CCDC102A: variants seen among roughly 807,000 people sequenced by gnomAD.
The protein encoded by CCDC102A is coiled-coil domain-containing protein 102A.
Under a neutral mutation model 55.5 loss-of-function variants are expected in CCDC102A, and 40 were observed. The observed-to-expected ratio is 0.72, with a 90% CI of 0.56 to 0.94. The LOEUF (loss-of-function observed/expected upper bound fraction) is 0.94, where lower values mean the gene tolerates loss of function less well. Ranked by LOEUF, CCDC102A falls within the 40% of genes least tolerant of loss-of-function variation. CCDC102A has a pLI of 0.00. For synonymous variants in CCDC102A, 323 were observed against 339.0 expected (o/e 0.95, Z 0.52); for missense variants, 779 against 768.6 (o/e 1.01, Z -0.16).
chr16:57,533,612 C>T (rs2032314494), intron 1 of CCDC102A, among the ~76,000 whole-genome samples: 1 of 149,884 alleles, frequency 6.7e-6, no homozygotes, highest in African/African-American at 2.5e-5. Context: ...CCCCAGGGAC[C>T]CGCACTCACA....
At chr16:57,520,243 C>T (rs1323837270) in intron 4 of CCDC102A, among the ~76,000 whole-genome samples, 4 of 152,218 alleles carry the variant, frequency 2.6e-5, no homozygotes, top group Non-Finnish European at 4.4e-5. Context: ...TTCCCGCACA[C>T]GCTGGGCTTG....
intron 2 of CCDC102A, 43 bp from the exon 3 acceptor site, chr16:57,526,170 C>T (rs2032139568): frequency 3.5e-6 from 5 of 1,441,156 alleles, no homozygotes; most frequent in Non-Finnish European, 4.6e-6. Flanking sequence ...GCCGCCAAGC[C>T]AGGCCCTGGG....
Position 57,516,657 on chromosome 16 carries a change from A to G in CCDC102A, c.1249-194T>C. On this transcript the variant is annotated intron_variant, in intron 6 of 8. Coordinates refer to ENST00000258214, the MANE Select transcript of CCDC102A (RefSeq NM_033212.4). The surrounding 1 kb of genome is among the most constrained non-coding windows in gnomAD (Gnocchi z 4.4). ...CAGCCAGAGGCTGGAGGTGCCTTCC[A>G]GGGAGGTGAGAAGGCTGGGTGGGTG... is the stretch of plus-strand genomic sequence containing the variant. 1.7e-6 allele frequency: 1 copy of G among 602,542 alleles called. No individual in the cohort carries two copies. The highest frequency in any genetic ancestry group is 2.0e-5 in the South Asian group (1 of 50,522). 37.3% of individuals were successfully genotyped at this position (602,542 alleles called of 1,614,324 possible).
At chr16:57,518,513 C>T in intron 5 of CCDC102A, 112 bp downstream of exon 5, 3 of 930,900 alleles carry the variant, frequency 3.2e-6, no homozygotes, top group Non-Finnish European at 5.0e-6. Context: ...ATGTGGCTGG[C>T]CCCGCTCAGA....
At position 57,516,189 on chromosome 16, in the gene CCDC102A, G is replaced by T. The variant is rs2031951468; in HGVS notation, c.1419+104C>A. ...GGCGACTCCTGAGAGACAGGCTTGT[G>T]CCAGGCACCAGGGGCTGAGAATGGA... On this transcript the variant is annotated intron_variant, in intron 7 of 8. Coordinates refer to ENST00000258214, the MANE Select transcript of CCDC102A (RefSeq NM_033212.4). This position sits in a 1 kb window ranked among gnomAD's most constrained non-coding sequence, Gnocchi z 4.4. The T allele has an allele frequency of 8.4e-7, 1 of 1,190,346 alleles. No individual in the cohort carries two copies. The highest frequency in any genetic ancestry group is 1.5e-5 in the African/African-American group (1 of 66,760). 73.7% of individuals were successfully genotyped at this position (1,190,346 alleles called of 1,614,324 possible). A position where few individuals can be genotyped will look rare whatever the true frequency, so the allele number is the denominator to read the frequency against.
intron 6 of CCDC102A, among the ~76,000 whole-genome samples, chr16:57,517,400 G>T (rs1398503243): frequency 1.3e-5 from 2 of 152,082 alleles, no homozygotes; most frequent in Non-Finnish European, 2.9e-5. Flanking sequence ...AGGCTGGGGT[G>T]CAGTGGTGCA....
Position 57,516,602 on chromosome 16 carries a change from T to C in CCDC102A, c.1249-139A>G. ...TCCCAGAATCTCTCCATCTGTTGTC[T>C]GAAGTATCAGCAGTAGAGGTTTGGC... On this transcript the variant is annotated intron_variant, in intron 6 of 8. Coordinates refer to ENST00000258214, the MANE Select transcript of CCDC102A (RefSeq NM_033212.4). The surrounding 1 kb of genome is among the most constrained non-coding windows in gnomAD (Gnocchi z 4.4). 2 of 727,148 alleles carry C rather than the reference T, an allele frequency of 2.8e-6. No homozygotes were observed. Among genetic ancestry groups the C allele is most frequent in the Non-Finnish European group, 4.6e-6 (2 of 431,806 alleles). 45.0% of individuals were successfully genotyped at this position (727,148 alleles called of 1,614,324 possible).
At chr16:57,525,443 G>C (rs1388829357) in intron 3 of CCDC102A, among the ~76,000 whole-genome samples, 1 of 152,048 alleles carries the variant, frequency 6.6e-6, no homozygotes, top group Non-Finnish European at 1.5e-5. Flanking sequence ...GGTGACTCTT[G>C]CATTTTTACC....
intron 4 of CCDC102A, among the ~76,000 whole-genome samples, chr16:57,520,489 T>A (rs2032024924): frequency 6.6e-6 from 1 of 151,334 alleles, no homozygotes; most frequent in Admixed American, 6.6e-5. Context: ...AGTGAGCTCC[T>A]GAAGGCAGGG....
At position 57,516,457 on chromosome 16, in the gene CCDC102A, C is replaced by A; in HGVS notation, c.1255G>T (p.Ala419Ser). ...TTGCCATGCACATGCTTCAGGTCTG[C>A]CAGCTCCTACAGGGCACAGGGATGG... ...AALFEKNKEL[A>S]DLKHVHGKLK... is the part of the protein sequence containing the mutation. The change falls in exon 7 of 9, where the codon GCA becomes TCA. Residue 419 changes from alanine (A) to serine (S), a missense_variant. Physicochemically the swap from Ala to Ser is moderately conservative, Grantham distance 99 (BLOSUM62 1). Transcript: ENST00000258214. This position sits in a 1 kb window ranked among gnomAD's most constrained non-coding sequence, Gnocchi z 4.4. The A allele has an allele frequency of 6.2e-7, 1 of 1,606,804 alleles. No individual in the cohort carries two copies. The highest frequency in any genetic ancestry group is 8.5e-7 in the Non-Finnish European group (1 of 1,179,868).
At chr16:57,525,512 G>C (rs1266226325) in intron 3 of CCDC102A, among the ~76,000 whole-genome samples, 1 of 152,074 alleles carries the variant, frequency 6.6e-6, no homozygotes, top group East Asian at 1.9e-4. Flanking sequence ...CTGCCTCCCT[G>C]CCATCTCAAA....
rs1462504824 is a variant in CCDC102A, at chr16:57,528,916, C to CCGCCCG, written c.256_261dup (p.Arg86_Ala87dup). 2.0e-5 allele frequency: 28 copies of CCGCCCG among 1,401,742 alleles called. No individual in the cohort carries two copies. Among genetic ancestry groups the CCGCCCG allele is most frequent in the Non-Finnish European group, 2.5e-5 (27 of 1,069,052 alleles). 86.8% of individuals were successfully genotyped at this position (1,401,742 alleles called of 1,614,324 possible). On this transcript the variant is annotated inframe_insertion, in exon 2 of 9. Transcript: ENST00000258214. ...CGGCGCATGGTCTTCTCCATCTGCG[C>CCGCCCG]CGCCCGCGCCCGCGCCTCCTCCAGC...
chr16:57,523,802 C>A (rs781625149), intron 3 of CCDC102A, among the ~76,000 whole-genome samples: 1 of 152,068 alleles, frequency 6.6e-6, no homozygotes, highest in African/African-American at 2.4e-5. Context: ...AAAAATTAGC[C>A]GGGTCTGGTG....
intron 5 of CCDC102A, 68 bp downstream of exon 5, chr16:57,518,557 C>A: frequency 8.0e-7 from 1 of 1,254,576 alleles, no homozygotes; most frequent in Non-Finnish European, 1.2e-6. Context: ...TTCCCAGTGA[C>A]CTGCTGATGG....
chr16:57,529,477 A>G lies in CCDC102A; in HGVS notation c.-147-153T>C, dbSNP rs578015781. ...CCAATGAGGCAGGATTGGTGGAGCA[A>G]GGGCCCGCAAAGGCCTCCTCAGTGG... is the stretch of plus-strand genomic sequence containing the variant. On this transcript the variant is annotated intron_variant, in intron 1 of 8. Coordinates refer to ENST00000258214, the MANE Select transcript of CCDC102A (RefSeq NM_033212.4). This position sits in a 1 kb window ranked among gnomAD's most constrained non-coding sequence, Gnocchi z 4.1. 6.6e-6 allele frequency among the ~76,000 whole-genome samples: 1 copy of G among 152,270 alleles called. No homozygotes were observed. The highest frequency in any genetic ancestry group is 2.1e-4 in the South Asian group (1 of 4,820).
chr16:57,529,294 G>A lies in CCDC102A; in HGVS notation c.-117C>T. ...ATGACGCCGTGCCCCGCTTCCCTCTGGGCCACCGGGCGGAGGACGCCTCCT... is the reference window on the plus strand; with the variant it reads ...ATGACGCCGTGCCCCGCTTCCCTCTAGGCCACCGGGCGGAGGACGCCTCCT... On this transcript the variant is annotated 5_prime_UTR_variant, in exon 2 of 9. Transcript: ENST00000258214. This position sits in a 1 kb window ranked among gnomAD's most constrained non-coding sequence, Gnocchi z 4.1. The A allele has an allele frequency of 8.9e-7, 1 of 1,118,526 alleles. No individual in the cohort carries two copies. Among genetic ancestry groups the A allele is most frequent in the Non-Finnish European group, 1.1e-6 (1 of 914,200 alleles). 69.3% of individuals were successfully genotyped at this position (1,118,526 alleles called of 1,614,324 possible).
chr16:57,514,766 T>C (rs1246665274), intron 8 of CCDC102A, among the ~76,000 whole-genome samples: 1 of 152,184 alleles, frequency 6.6e-6, no homozygotes, highest in East Asian at 1.9e-4. Context: ...GTGGCTCCGA[T>C]GCTCCTTGGG....
intron 3 of CCDC102A, among the ~76,000 whole-genome samples, chr16:57,523,080 T>C (rs2032078786): frequency 6.6e-6 from 1 of 152,066 alleles, no homozygotes; most frequent in South Asian, 2.1e-4. Context: ...CACATGAGAA[T>C]TGCTTGAACC....
chr16:57,518,527 C>A, intron 5 of CCDC102A, 98 bp downstream of exon 5: 2 of 1,013,560 alleles, frequency 2.0e-6, no homozygotes, highest in Admixed American at 1.8e-5. Context: ...GCTCAGAGCA[C>A]AGTCCTGGCC....
Sources: gnomAD v4.1 joint callset for allele counts (sites outside exome capture counted in the v4.1 genomes callset) on GRCh38, gnomAD v4.1.1 for gene constraint, Gnocchi (gnomAD v3.1) non-coding constraint, MANE v1.5 for transcripts, NCBI Gene and HGNC (gene_info 2026-07-23, HGNC 2026-07-21) for gene names.